The following RABGAP1L variants were observed in gnomAD, a reference collection of about 807,000 sequenced individuals.
RABGAP1L encodes rab GTPase-activating protein 1-like.
A neutral mutation model predicts 137.7 loss-of-function variants in RABGAP1L; 63 were observed. The ratio of observed to expected loss-of-function variants is 0.46; its 90% CI spans 0.37 to 0.56. The LOEUF (loss-of-function observed/expected upper bound fraction) is 0.56. Among genes scored for constraint, RABGAP1L ranks in the 20% least tolerant of loss-of-function variants. The pLI is 0.00. For synonymous variants in RABGAP1L, 431 were observed against 433.7 expected (o/e 0.99, Z 0.08); for missense variants, 1,095 against 1,244.0 (o/e 0.88, Z 1.80).
intron 13 of RABGAP1L, among the ~76,000 whole-genome samples, chr1:174,543,025 A>C (rs548973417): frequency 1.3e-5 from 2 of 152,316 alleles, no homozygotes; most frequent in Non-Finnish European, 2.9e-5. Context: ...TATGTGGTCA[A>C]TTATGGAATA....
At chr1:174,572,282 G>C (rs1668039299) in intron 13 of RABGAP1L, among the ~76,000 whole-genome samples, 1 of 152,194 alleles carries the variant, frequency 6.6e-6, no homozygotes, top group Admixed American at 6.5e-5. Flanking sequence ...GAAGTAATGT[G>C]AAAGTTCCTT....
chr1:174,411,490 C>CAATAA, intron 13 of RABGAP1L, among the ~76,000 whole-genome samples: 1 of 152,114 alleles, frequency 6.6e-6, no homozygotes, highest in Middle Eastern at 3.4e-3. Flanking sequence ...TTGAGATGAT[C>CAATAA]ACATGGCTTT....
At chr1:174,175,338 TATC>T (rs1053890205) in intron 1 of RABGAP1L, among the ~76,000 whole-genome samples, 25 of 152,210 alleles carry the variant, frequency 1.6e-4, no homozygotes, top group African/African-American at 5.3e-4. Context: ...TGAGCATAGA[TATC>T]ATCTTAAAAA....
intron 13 of RABGAP1L, among the ~76,000 whole-genome samples, chr1:174,534,615 A>AT (rs1264895589): frequency 2.0e-5 from 3 of 151,560 alleles, no homozygotes; most frequent in Admixed American, 1.3e-4. Context: ...CGTCTCTACT[A>AT]AATACAAAAA....
chr1:174,238,284 C>G (rs1296855048), intron 4 of RABGAP1L, among the ~76,000 whole-genome samples: 1 of 152,220 alleles, frequency 6.6e-6, no homozygotes, highest in Non-Finnish European at 1.5e-5. Flanking sequence ...CAGTCATTCT[C>G]CATCCAGGTT....
At position 174,689,404 on chromosome 1, in the gene RABGAP1L, T is replaced by C. The variant is rs573982338; in HGVS notation, c.1899+5808T>C. Among the ~76,000 whole-genome samples the C allele has an allele frequency of 7.2e-5, 11 of 152,190 alleles. No homozygotes were observed. In the South Asian group the frequency reaches 2.3e-3, roughly 32 times the overall value. On this transcript the variant is annotated intron_variant, in intron 15 of 25. Transcript: ENST00000681986. ...ATTATTCAAGACTCTTTCTGCTGCA[T>C]GTGACAGAATTGACTCATATAACTG...
chr1:174,957,723 CTTT>C (rs34143059), intron 20 of RABGAP1L, 174 bp downstream of exon 20: 4,300 of 501,486 alleles, frequency 8.6e-3, no homozygotes, highest in Non-Finnish European at 0.01. Context: ...AGCAAAGTAC[CTTT>C]TTTTTTTTTT....
intron 3 of RABGAP1L, among the ~76,000 whole-genome samples, chr1:174,221,572 T>C (rs1484507398): frequency 6.6e-6 from 1 of 152,224 alleles, no homozygotes; most frequent in African/African-American, 2.4e-5. Flanking sequence ...ATTCCAACAG[T>C]GTATTAAATA....
At chr1:174,964,720 T>G (rs1321157779) in intron 20 of RABGAP1L, 1 of 1,112,190 alleles carries the variant, frequency 9.0e-7, no homozygotes, top group Non-Finnish European at 1.2e-6. Context: ...AGGGAGGAGT[T>G]TGAAGATATG....
At chr1:174,932,084 A>G (rs188782902) in intron 19 of RABGAP1L, among the ~76,000 whole-genome samples, 5 of 142,916 alleles carry the variant, frequency 3.5e-5, no homozygotes, top group Admixed American at 2.2e-4. Flanking sequence ...TGAATGATAG[A>G]TAAGCAGTTA....
chr1:174,950,930 A>G (rs1055654722), intron 19 of RABGAP1L, among the ~76,000 whole-genome samples: 3 of 152,196 alleles, frequency 2.0e-5, no homozygotes, highest in Admixed American at 6.5e-5. Context: ...ATATTTTTGT[A>G]TCTTTCATTT....
At chr1:174,846,143 G>A (rs1423235697) in intron 19 of RABGAP1L, among the ~76,000 whole-genome samples, 1 of 151,390 alleles carries the variant, frequency 6.6e-6, no homozygotes, top group African/African-American at 2.4e-5. Context: ...CTTGCTAGCG[G>A]TCTATCAATT....
At chr1:174,274,244 A>G (rs1244129844) in intron 8 of RABGAP1L, among the ~76,000 whole-genome samples, 3 of 152,134 alleles carry the variant, frequency 2.0e-5, no homozygotes, top group Non-Finnish European at 2.9e-5. Flanking sequence ...GGAAAGTCCT[A>G]TTTATAAATG....
chr1:174,560,033 G>A (rs1667108245), intron 13 of RABGAP1L, among the ~76,000 whole-genome samples: 1 of 152,084 alleles, frequency 6.6e-6, no homozygotes, highest in African/African-American at 2.4e-5. Context: ...TACTTGGGGG[G>A]CTGAGGCAGG....
intron 11 of RABGAP1L, among the ~76,000 whole-genome samples, chr1:174,334,502 C>T (rs959843539): frequency 6.6e-6 from 1 of 152,204 alleles, no homozygotes; most frequent in Non-Finnish European, 1.5e-5. Context: ...CAAAACCATA[C>T]ATAATCTTGC....
At chr1:174,867,537 G>C (rs558394931) in intron 19 of RABGAP1L, among the ~76,000 whole-genome samples, 1 of 152,268 alleles carries the variant, frequency 6.6e-6, no homozygotes, top group African/African-American at 2.4e-5. Flanking sequence ...TGAATCTCCT[G>C]TCTTTTCTCT....
chr1:174,895,417 CTTT>C (rs36080842), intron 19 of RABGAP1L, among the ~76,000 whole-genome samples: 4 of 133,430 alleles, frequency 3.0e-5, no homozygotes, highest in Non-Finnish European at 6.6e-5. Context: ...TATTCTAATT[CTTT>C]TTTTTTTTTT....
At chr1:174,536,998 A>G (rs578087497) in intron 13 of RABGAP1L, among the ~76,000 whole-genome samples, 12 of 152,222 alleles carry the variant, frequency 7.9e-5, no homozygotes, top group Non-Finnish European at 1.3e-4. Flanking sequence ...GATACTGACA[A>G]TTTTTCTTGC....
intron 13 of RABGAP1L, among the ~76,000 whole-genome samples, chr1:174,600,470 T>A (rs1313202325): frequency 1.3e-5 from 2 of 152,048 alleles, no homozygotes; most frequent in Non-Finnish European, 2.9e-5. Flanking sequence ...CACCTATGAG[T>A]CTGTAAAATC....
Sources: gnomAD v4.1 joint callset for allele counts (sites outside exome capture counted in the v4.1 genomes callset) on GRCh38, gnomAD v4.1.1 for gene constraint, MANE v1.5 for transcripts, NCBI Gene and HGNC (gene_info 2026-07-23, HGNC 2026-07-21) for gene names.